PDE10A: variants seen among roughly 807,000 people sequenced by gnomAD.
PDE10A encodes phosphodiesterase 10A, also known as cAMP and cAMP-inhibited cGMP 3',5'-cyclic phosphodiesterase 10A.
PDE10A carries 39 observed loss-of-function variants against 97.7 expected under a neutral mutation model. The ratio of observed to expected loss-of-function variants is 0.40; its 90% confidence interval spans 0.31 to 0.52. The LOEUF (loss-of-function observed/expected upper bound fraction) is 0.52, where lower values mean the gene tolerates loss of function less well. PDE10A is among the 20% of genes least tolerant of loss of function. The pLI is 0.56. For synonymous variants in PDE10A, 371 were observed against 376.8 expected (o/e 0.98, Z 0.18); for missense variants, 731 against 1,047.8 (o/e 0.70, Z 4.17).
intron 1 of PDE10A, among the ~76,000 whole-genome samples, chr6:165,758,639 G>A (rs1433058564): frequency 6.6e-6 from 1 of 151,140 alleles, no homozygotes; most frequent in African/African-American, 2.4e-5. Flanking sequence ...AGAAGAAGAG[G>A]AAGAAGGAAG....
intron 1 of PDE10A, among the ~76,000 whole-genome samples, chr6:165,599,083 G>A (rs1398594510): frequency 6.6e-6 from 1 of 152,110 alleles, no homozygotes; most frequent in Non-Finnish European, 1.5e-5. Flanking sequence ...ATCTCCCAAA[G>A]GTAATTTCAG....
chr6:165,823,629 A>G (rs923738369), intron 1 of PDE10A, among the ~76,000 whole-genome samples: 1 of 110,080 alleles, frequency 9.1e-6, no homozygotes, highest in African/African-American at 2.9e-5. Context: ...CAATAAAAGT[A>G]TCATAAATAC....
At chr6:165,876,780 G>C (rs66677968) in intron 1 of PDE10A, among the ~76,000 whole-genome samples, 5,526 of 152,222 alleles carry the variant, frequency 0.036, 118 homozygotes, top group Middle Eastern at 0.054. Context: ...AGAATTGTTT[G>C]GAGACTAAAC....
intron 18 of PDE10A, among the ~76,000 whole-genome samples, chr6:165,356,631 T>C (rs1314919166): frequency 6.6e-6 from 1 of 152,194 alleles, no homozygotes; most frequent in Non-Finnish European, 1.5e-5. Context: ...TCCCATGTTT[T>C]GTTTTAGAAA....
At chr6:165,981,382 A>G (rs560022600) in intron 1 of PDE10A, among the ~76,000 whole-genome samples, 44 of 152,288 alleles carry the variant, frequency 2.9e-4, no homozygotes, top group African/African-American at 1.0e-3. Context: ...GTTTATGTTC[A>G]TTTCTTCCCA....
chr6:165,465,088 T>G (rs755698659), intron 3 of PDE10A, among the ~76,000 whole-genome samples: 50 of 152,222 alleles, frequency 3.3e-4, no homozygotes, highest in Non-Finnish European at 6.8e-4. Flanking sequence ...TACCCCCCTT[T>G]TTTCAGTGCT....
intron 1 of PDE10A, among the ~76,000 whole-genome samples, chr6:165,616,806 G>A (rs1787746029): frequency 6.6e-6 from 1 of 152,028 alleles, no homozygotes; most frequent in African/African-American, 2.4e-5. Context: ...CAAAGACAAA[G>A]GCACACATGA....
intron 8 of PDE10A, 74 bp downstream of exon 8, chr6:165,431,348 C>A (rs1789538527): frequency 2.3e-6 from 2 of 873,102 alleles, no homozygotes; most frequent in Non-Finnish European, 1.8e-6. Flanking sequence ...AACCTCTATT[C>A]CGGTCTTCAA....
At chr6:165,484,839 T>C (rs1385640717) in intron 2 of PDE10A, among the ~76,000 whole-genome samples, 2 of 152,110 alleles carry the variant, frequency 1.3e-5, no homozygotes, top group African/African-American at 2.4e-5. Context: ...ACCACTTCCA[T>C]CTGCACCTCT....
rs1562798090 is a variant in PDE10A, at chr6:165,919,421, GATCTTGGT to G, written c.-615+68100_-615+68107del. On this transcript the variant is annotated intron_variant, in intron 1 of 19. Transcript: ENST00000366882. ...AACCTTGTGGCTTAGTTAATAGCAAGATCTTGGTATTCCACAGACCACGTTTCTCCTAT... is the reference window on the plus strand; with the variant it reads ...AACCTTGTGGCTTAGTTAATAGCAAGATTCCACAGACCACGTTTCTCCTAT... Among the ~76,000 whole-genome samples, 4 of 152,292 alleles carry G rather than the reference GATCTTGGT, an allele frequency of 2.6e-5. No individual in the cohort carries two copies. The South Asian group carries it at 8.3e-4, about 32-fold the overall frequency.
chr6:165,911,458 A>G (rs914091080), intron 1 of PDE10A, among the ~76,000 whole-genome samples: 7 of 152,324 alleles, frequency 4.6e-5, no homozygotes, highest in African/African-American at 1.7e-4. Flanking sequence ...ATGTCATTCT[A>G]TTGATGAGGA....
rs1191054478 is a variant in PDE10A at position 165,819,796 on chromosome 6, G to A, written c.-615+167733C>T. On this transcript the variant is annotated intron_variant, in intron 1 of 19. Transcript: ENST00000366882. This position sits in a 1 kb window ranked among gnomAD's most constrained non-coding sequence, Gnocchi z 4.2. ...CTACAACAGTGCCTGCCACACAGTGGGTCTCAAGAAAGCTTTCCTTAAATG... is the reference window on the plus strand; with the variant it reads ...CTACAACAGTGCCTGCCACACAGTGAGTCTCAAGAAAGCTTTCCTTAAATG... Among the ~76,000 whole-genome samples, 1 of 152,116 alleles carries A rather than the reference G, an allele frequency of 6.6e-6. No individual in the cohort carries two copies. Among genetic ancestry groups the A allele is most frequent in the Admixed American group, 6.5e-5 (1 of 15,274 alleles).
chr6:165,670,711 G>T (rs1181121408), intron 1 of PDE10A, among the ~76,000 whole-genome samples: 2 of 152,140 alleles, frequency 1.3e-5, no homozygotes, highest in African/African-American at 4.8e-5. Flanking sequence ...AGAAGAAGTG[G>T]CATTGTGTCT....
At chr6:165,920,013 C>G (rs563158338) in intron 1 of PDE10A, among the ~76,000 whole-genome samples, 45 of 152,256 alleles carry the variant, frequency 3.0e-4, no homozygotes, top group African/African-American at 1.0e-3. Context: ...CACCCTAAAT[C>G]ACTGCAATAC....
intron 1 of PDE10A, among the ~76,000 whole-genome samples, chr6:165,656,714 C>T (rs1221491399): frequency 6.6e-6 from 1 of 152,202 alleles, no homozygotes; most frequent in Non-Finnish European, 1.5e-5. Context: ...TCAGAAGGTC[C>T]TTCCCAGGCT....
intron 1 of PDE10A, among the ~76,000 whole-genome samples, chr6:165,740,195 C>A (rs760985485): frequency 6.6e-6 from 1 of 152,018 alleles, no homozygotes; most frequent in Non-Finnish European, 1.5e-5. Context: ...CAGTAGCTGT[C>A]ATATGAAATG....
At chr6:165,645,497 C>G (rs1039661712) in intron 1 of PDE10A, among the ~76,000 whole-genome samples, 4 of 152,124 alleles carry the variant, frequency 2.6e-5, no homozygotes, top group Admixed American at 2.6e-4. Context: ...GGTGAGTTTA[C>G]AGACACGCAA....
chr6:165,663,162 C>G lies in PDE10A; in HGVS notation c.-351G>C, dbSNP rs1790381137. 6.6e-6 allele frequency among the ~76,000 whole-genome samples: 1 copy of G among 151,930 alleles called. No individual in the cohort carries two copies. The highest frequency in any genetic ancestry group is 1.5e-5 in the Non-Finnish European group (1 of 67,954). On this transcript the variant is annotated 5_prime_UTR_variant, in exon 1 of 22. Transcript: ENST00000539869. ...TCCGGCGGCTGAGCCTCGGCGGCTT[C>G]TCGAAAGCAGCGGAGAAAAGCGCCG...
chr6:165,629,734 A>G (rs531013872), intron 1 of PDE10A, among the ~76,000 whole-genome samples: 24 of 152,118 alleles, frequency 1.6e-4, no homozygotes, highest in African/African-American at 5.5e-4. Flanking sequence ...AGTTTTCACC[A>G]TATTGCCCAG....
Sources: gnomAD v4.1 joint callset for allele counts (sites outside exome capture counted in the v4.1 genomes callset) on GRCh38, gnomAD v4.1.1 for gene constraint, Gnocchi (gnomAD v3.1) non-coding constraint, MANE v1.5 for transcripts, NCBI Gene and HGNC (gene_info 2026-07-23, HGNC 2026-07-21) for gene names.